Variants in SCIMP observed in about 807,000 individuals in gnomAD.
The protein encoded by SCIMP is SLP adaptor and CSK interacting membrane protein.
SCIMP carries 18 observed loss-of-function variants against 22.0 expected under a neutral mutation model. The ratio of observed to expected loss-of-function variants is 0.82; its 90% CI spans 0.56 to 1.21. The LOEUF is 1.21. Ranked by LOEUF, SCIMP falls within the 50% of genes most tolerant of loss-of-function variation. The pLI is 0.00. For missense variants in SCIMP, 155 were observed against 171.2 expected (o/e 0.91, Z 0.53); for synonymous variants, 53 against 62.2 (o/e 0.85, Z 0.70).
rs187604605 is a variant in SCIMP, at chr17:5,221,265, G to A, written c.209+22C>T. 66 of 1,585,310 alleles carry A rather than the reference G, an allele frequency of 4.2e-5. No individual in the cohort carries two copies. The Admixed American group carries it at 4.5e-4, about 11-fold the overall frequency. On this transcript the variant is annotated intron_variant, in intron 3 of 4. Coordinates refer to ENST00000574081, the MANE Select transcript of SCIMP (RefSeq NM_207103.3). ...CAGGCAGTTCTCAACAGTAAAAAGC[G>A]GAAGGATTCCCCCCTACTTACTCAT...
chr17:5,223,630 A>C (rs992976028), intron 1 of SCIMP, 174 bp from the exon 2 acceptor site: 1 of 577,594 alleles, frequency 1.7e-6, no homozygotes, highest in Non-Finnish European at 3.1e-6. Context: ...GCTCACTGCA[A>C]CCTCCACCTC....
chr17:5,211,116 C>A (rs1435958164), intron 4 of SCIMP, among the ~76,000 whole-genome samples, 161 bp from the exon 5 acceptor site: 2 of 152,154 alleles, frequency 1.3e-5, no homozygotes, highest in African/African-American at 4.8e-5. Context: ...CCTGACAGAG[C>A]CTCAGGATCA....
chr17:5,223,216 T>C, intron 2 of SCIMP, 117 bp downstream of exon 2: 1 of 1,104,804 alleles, frequency 9.1e-7, no homozygotes, highest in South Asian at 1.4e-5. Context: ...GCAAGATGCT[T>C]AATCCAAAAT....
At chr17:5,223,657 C>T (rs980309316) in intron 1 of SCIMP, 18 of 506,964 alleles carry the variant, frequency 3.6e-5, no homozygotes, top group African/African-American at 9.8e-5. Context: ...TCAAGTGATT[C>T]TCCTGCCTCA....
Position 5,210,893 on chromosome 17 carries a change from T to C in SCIMP, c.346A>G (p.Lys116Glu), listed in dbSNP as rs1450836386. ...TYSLVNKVKN[K>E]KTVSIPSYIE... ...TAGCTTGGGATGGAAACAGTCTTCT[T>C]ATTTTTAACTTTATTTACCAGTGAG... The change falls in exon 5 of 5, where the codon AAG becomes GAG. Residue 116 changes from lysine to glutamate, a missense_variant. Physicochemically the swap from Lys to Glu is moderately conservative, Grantham distance 56 (BLOSUM62 1). Coordinates refer to ENST00000574081, the MANE Select transcript of SCIMP (RefSeq NM_207103.3). 2.5e-6 allele frequency: 4 copies of C among 1,614,194 alleles called. No individual in the cohort carries two copies. The highest frequency in any genetic ancestry group is 3.4e-6 in the Non-Finnish European group (4 of 1,180,030).
intron 4 of SCIMP, chr17:5,212,989 G>A (rs941705573): frequency 1.1e-4 from 14 of 131,732 alleles, no homozygotes; most frequent in Non-Finnish European, 1.4e-4. Context: ...ACTTTAGGTT[G>A]AGTGGACAGA....
At chr17:5,215,298 G>A in intron 3 of SCIMP, 1 of 275,100 alleles carries the variant, frequency 3.6e-6, no homozygotes, top group African/African-American at 2.2e-5. Flanking sequence ...GGAGAGGTAG[G>A]CACCAGATGT....
chr17:5,232,193 C>T (rs987570864), intron 1 of SCIMP, among the ~76,000 whole-genome samples: 3 of 152,330 alleles, frequency 2.0e-5, no homozygotes, highest in South Asian at 2.1e-4. Context: ...TTCAGAGCAG[C>T]GCCGTGTTAT....
intron 1 of SCIMP, among the ~76,000 whole-genome samples, chr17:5,232,381 A>AACAGTGCAGTGTAG (rs1672846771): frequency 6.6e-6 from 1 of 152,164 alleles, no homozygotes; most frequent in Non-Finnish European, 1.5e-5. Context: ...GTGCAGTATA[A>AACAGTGCAGTGTAG]ACAGTGCAGT....
intron 1 of SCIMP, among the ~76,000 whole-genome samples, chr17:5,231,917 A>T (rs370732335): frequency 6.6e-6 from 1 of 152,164 alleles, no homozygotes; most frequent in Admixed American, 6.5e-5. Context: ...TTAGCCAGGC[A>T]TGGTGGCAGG....
chr17:5,215,018 G>A lies in SCIMP; in HGVS notation c.210-20C>T. ...ACATTCCTAGAGAGAGAGAAAGAGA[G>A]AGAATCAGTGTTTGGTTTGGGCCAT... On this transcript the variant is annotated intron_variant, in intron 3 of 4. Transcript: ENST00000574081. 6.5e-7 allele frequency: 1 copy of A among 1,549,344 alleles called. No homozygotes were observed. Among genetic ancestry groups the A allele is most frequent in the Non-Finnish European group, 8.9e-7 (1 of 1,121,650 alleles).
chr17:5,231,840 G>A (rs552032828), intron 1 of SCIMP, among the ~76,000 whole-genome samples: 1 of 152,144 alleles, frequency 6.6e-6, no homozygotes, highest in Non-Finnish European at 1.5e-5. Flanking sequence ...GGATCACGAG[G>A]TCAGGAGATC....
chr17:5,230,650 G>A (rs577777748), intron 1 of SCIMP, among the ~76,000 whole-genome samples: 1 of 152,342 alleles, frequency 6.6e-6, no homozygotes, highest in African/African-American at 2.4e-5. Context: ...ACTGGGGGCA[G>A]TGGCTCACAC....
At chr17:5,213,447 G>T in intron 4 of SCIMP, 1 of 164,256 alleles carries the variant, frequency 6.1e-6, no homozygotes, top group Non-Finnish European at 1.3e-5. Flanking sequence ...ATGTTGCCCA[G>T]GCTGTTCTCA....
chr17:5,230,571 T>C (rs754166933), intron 1 of SCIMP, among the ~76,000 whole-genome samples: 7 of 152,180 alleles, frequency 4.6e-5, no homozygotes, highest in Non-Finnish European at 8.8e-5. Context: ...AGATTAGGCC[T>C]GCAGAACTTA....
chr17:5,226,470 C>T (rs1182600234), intron 1 of SCIMP, among the ~76,000 whole-genome samples: 1 of 151,034 alleles, frequency 6.6e-6, no homozygotes, highest in Admixed American at 6.6e-5. Context: ...TGAAATGGAC[C>T]GCAGAGAGGC....
At chr17:5,213,451 G>A in intron 4 of SCIMP, 1 of 160,054 alleles carries the variant, frequency 6.2e-6, no homozygotes, top group Non-Finnish European at 1.3e-5. Flanking sequence ...TGCCCAGGCT[G>A]TTCTCAGACT....
chr17:5,224,662 G>C (rs1338347806), intron 1 of SCIMP, among the ~76,000 whole-genome samples: 1 of 146,648 alleles, frequency 6.8e-6, no homozygotes, highest in Non-Finnish European at 1.5e-5. Flanking sequence ...TCATCATGTT[G>C]GCCAAGCTAG....
At chr17:5,217,250 G>A (rs556383054) in intron 3 of SCIMP, among the ~76,000 whole-genome samples, 1 of 152,232 alleles carries the variant, frequency 6.6e-6, no homozygotes, top group African/African-American at 2.4e-5. Context: ...ACTCGGTGGG[G>A]GAGACCTGAG....
Sources: allele counts gnomAD v4.1 joint callset (sites outside exome capture counted in the v4.1 genomes callset), GRCh38; gene constraint gnomAD v4.1.1; transcripts MANE v1.5; gene names NCBI Gene and HGNC (gene_info 2026-07-23, HGNC 2026-07-21).